The following RAPGEF2 variants were observed in gnomAD, a reference collection of about 807,000 sequenced individuals.
The protein encoded by RAPGEF2 is PDZ domain containing guanine nucleotide exchange factor (GEF) 1.
In RAPGEF2, 54 loss-of-function variants were observed where a neutral mutation model predicts 186.7. The observed-to-expected ratio is 0.29, with a 90% CI of 0.23 to 0.36. The LOEUF is 0.36. Among genes scored for constraint, RAPGEF2 ranks in the 10% least tolerant of loss-of-function variants. The pLI is 1.00. For missense variants in RAPGEF2, 1,532 were observed against 2,045.0 expected (o/e 0.75, Z 4.84); for synonymous variants, 712 against 705.9 (o/e 1.01, Z -0.14).
intron 1 of RAPGEF2, among the ~76,000 whole-genome samples, chr4:159,121,473 C>G (rs1739674908): frequency 6.6e-6 from 1 of 151,978 alleles, no homozygotes; most frequent in South Asian, 2.1e-4. Context: ...CTCAAGCTCT[C>G]CTCCCACCTC....
chr4:159,224,266 T>C (rs142383660), intron 4 of RAPGEF2, among the ~76,000 whole-genome samples: 90 of 152,310 alleles, frequency 5.9e-4, no homozygotes, highest in African/African-American at 2.0e-3. Flanking sequence ...TCATTGTGGC[T>C]GAAACAGATT....
At chr4:159,127,162 G>A (rs368765734) in intron 1 of RAPGEF2, among the ~76,000 whole-genome samples, 1 of 152,244 alleles carries the variant, frequency 6.6e-6, no homozygotes, top group East Asian at 1.9e-4. Flanking sequence ...GAGTAGCTGG[G>A]ATTACAGGCA....
At chr4:159,340,667 C>CCACACACACACACA (rs3071283) in intron 19 of RAPGEF2, among the ~76,000 whole-genome samples, 26 of 76,846 alleles carry the variant, frequency 3.4e-4, no homozygotes, top group Admixed American at 1.1e-3. Context: ...ACCACCATCA[C>CCACACACACACACA]CACACACACA....
rs1223452394 is a variant in RAPGEF2, at chr4:159,337,276, A to G, written c.2136-1035A>G. On this transcript the variant is annotated intron_variant, in intron 17 of 29. Transcript: ENST00000691494. ...TTTTTATGCTCTGTATAATCAAGAAATAATGTCTGTGTCAGTCTCCTTACA... is the reference window on the plus strand; with the variant it reads ...TTTTTATGCTCTGTATAATCAAGAAGTAATGTCTGTGTCAGTCTCCTTACA... Among the ~76,000 whole-genome samples, 3 of 152,336 alleles carry G rather than the reference A, an allele frequency of 2.0e-5. No homozygotes were observed. In the East Asian group the frequency reaches 5.8e-4, roughly 29 times the overall value.
At chr4:159,122,465 C>G (rs1211728498) in intron 1 of RAPGEF2, among the ~76,000 whole-genome samples, 1 of 150,308 alleles carries the variant, frequency 6.7e-6, no homozygotes, top group African/African-American at 2.5e-5. Flanking sequence ...GGCGACAGAG[C>G]AAGACTTTGT....
intron 7 of RAPGEF2, among the ~76,000 whole-genome samples, chr4:159,294,498 C>T (rs543680338): frequency 6.6e-6 from 1 of 152,214 alleles, no homozygotes; most frequent in Non-Finnish European, 1.5e-5. Context: ...TAGAATATTA[C>T]CAGTATTTCT....
At chr4:159,160,805 A>G (rs1318696487) in intron 1 of RAPGEF2, among the ~76,000 whole-genome samples, 2 of 152,126 alleles carry the variant, frequency 1.3e-5, no homozygotes, top group Non-Finnish European at 2.9e-5. Flanking sequence ...TCTCTTCCAC[A>G]ATGAAATTTT....
intron 1 of RAPGEF2, among the ~76,000 whole-genome samples, chr4:159,122,380 G>A (rs62337435): frequency 0.24 from 36,013 of 151,622 alleles, 4,759 homozygotes; most frequent in Non-Finnish European, 0.31. Flanking sequence ...TTAGGAGGCT[G>A]AGGCAGGAGA....
rs34304252 is a variant in RAPGEF2 at position 159,250,665 on chromosome 4, CTTTTTT to C, written c.543+6890_543+6895del. On this transcript the variant is annotated intron_variant, in intron 7 of 29. Transcript: ENST00000691494. ...CCTTTCACCAATTATTAGCACTCTT[CTTTTTT>C]TTTTTTTTTTTTTTTGGGACAGGGT... is the stretch of plus-strand genomic sequence containing the variant. Among the ~76,000 whole-genome samples, 498 of 123,032 alleles carry C rather than the reference CTTTTTT, an allele frequency of 4.0e-3. 4 individuals carry two copies. The highest frequency in any genetic ancestry group is 0.015 in the African/African-American group (466 of 31,466). 80.7% of individuals were successfully genotyped at this position (123,032 alleles called of 152,430 possible).
In RAPGEF2 at chr4:159,337,889, C is replaced by CAAAAAAAAAAAAAAAAA. The variant is rs553291521; in HGVS notation, c.2136-414_2136-398dup. On this transcript the variant is annotated intron_variant, in intron 17 of 29. Transcript: ENST00000691494. Reference sequence around the variant, plus strand: ...TGGGTGACAGAGTGAGACTCCATCTCAAAAAAAAAAAAAAAAAAAAAAAAG... The same window carrying CAAAAAAAAAAAAAAAAA: ...TGGGTGACAGAGTGAGACTCCATCTCAAAAAAAAAAAAAAAAAAAAAAAAAAAAAAAAAAAAAAAAAG... Among the ~76,000 whole-genome samples, 56 of 32,560 alleles carry CAAAAAAAAAAAAAAAAA rather than the reference C, an allele frequency of 1.7e-3. 1 individual carries two copies. Among genetic ancestry groups the CAAAAAAAAAAAAAAAAA allele is most frequent in the Middle Eastern group, 0.021 (1 of 48 alleles). 21.4% of individuals were successfully genotyped at this position (32,560 alleles called of 152,430 possible).
chr4:159,233,837 C>A (rs1440438833), intron 4 of RAPGEF2, among the ~76,000 whole-genome samples: 2 of 151,946 alleles, frequency 1.3e-5, no homozygotes, highest in East Asian at 3.8e-4. Context: ...AATCAATTGA[C>A]CATTGATGTA....
chr4:159,291,751 A>T (rs139385436), intron 7 of RAPGEF2, among the ~76,000 whole-genome samples: 1 of 151,886 alleles, frequency 6.6e-6, no homozygotes, highest in Admixed American at 6.6e-5. Context: ...GTCACTATCC[A>T]TTGTATATAT....
intron 7 of RAPGEF2, among the ~76,000 whole-genome samples, chr4:159,254,009 C>T (rs978301025): frequency 1.3e-5 from 2 of 152,196 alleles, no homozygotes; most frequent in Non-Finnish European, 2.9e-5. Flanking sequence ...AATAATTGCA[C>T]GTCTTTTCCT....
intron 1 of RAPGEF2, among the ~76,000 whole-genome samples, chr4:159,107,981 A>G (rs1738062086): frequency 6.6e-6 from 1 of 152,164 alleles, no homozygotes; most frequent in Non-Finnish European, 1.5e-5. Flanking sequence ...GTTTTTGTTC[A>G]TAGAATACAA....
chr4:159,114,039 C>T (rs1256562335), intron 1 of RAPGEF2, among the ~76,000 whole-genome samples: 1 of 151,972 alleles, frequency 6.6e-6, no homozygotes, highest in Non-Finnish European at 1.5e-5. Context: ...TCACTGCAGC[C>T]TCGTCCTGGG....
chr4:159,300,220 A>G (rs1401338678), intron 7 of RAPGEF2, among the ~76,000 whole-genome samples: 2 of 76,206 alleles, frequency 2.6e-5, no homozygotes, highest in Admixed American at 2.5e-4. Flanking sequence ...GATTTAAACA[A>G]TATATAATTA....
At chr4:159,334,977 T>A (rs1221388685) in intron 17 of RAPGEF2, among the ~76,000 whole-genome samples, 1 of 152,342 alleles carries the variant, frequency 6.6e-6, no homozygotes, top group African/African-American at 2.4e-5. Context: ...AGCTGTAGGA[T>A]CTATCATATT....
chr4:159,108,332 C>T (rs1422128326), intron 1 of RAPGEF2, among the ~76,000 whole-genome samples: 1 of 150,196 alleles, frequency 6.7e-6, no homozygotes, highest in Non-Finnish European at 1.5e-5. Flanking sequence ...TGCAGATACT[C>T]GTTTAATGCA....
At chr4:159,289,867 ATC>A (rs1339386645) in intron 7 of RAPGEF2, among the ~76,000 whole-genome samples, 1 of 152,164 alleles carries the variant, frequency 6.6e-6, no homozygotes, top group Non-Finnish European at 1.5e-5. Context: ...GATACAGAGT[ATC>A]TCGCTGTATT....
Sources: allele counts gnomAD v4.1 joint callset (sites outside exome capture counted in the v4.1 genomes callset), GRCh38; gene constraint gnomAD v4.1.1; transcripts MANE v1.5; gene names NCBI Gene and HGNC (gene_info 2026-07-23, HGNC 2026-07-21).